The following NR3C2 variants were observed in gnomAD, a reference collection of about 807,000 sequenced individuals.
NR3C2 encodes mineralocorticoid receptor.
A neutral mutation model predicts 86.4 loss-of-function variants in NR3C2; 15 were observed. The ratio of observed to expected loss-of-function variants is 0.17; its 90% CI spans 0.12 to 0.27. The LOEUF is 0.27. Among genes scored for constraint, NR3C2 ranks in the 10% least tolerant of loss-of-function variants. The probability of loss-of-function intolerance (pLI) is 1.00; values close to 1 mark genes in which losing one functional copy is unlikely to be tolerated. For missense variants in NR3C2, 960 were observed against 1,195.6 expected (o/e 0.80, Z 2.91); for synonymous variants, 458 against 450.5 (o/e 1.02, Z -0.21).
At chr4:148,313,720 G>T (rs1743022248) in intron 2 of NR3C2, among the ~76,000 whole-genome samples, 1 of 152,066 alleles carries the variant, frequency 6.6e-6, no homozygotes, top group African/African-American at 2.4e-5. Context: ...AACTTTATTT[G>T]CTTAGAAGTT....
At chr4:148,179,250 A>G (rs946337668) in intron 4 of NR3C2, among the ~76,000 whole-genome samples, 1 of 151,698 alleles carries the variant, frequency 6.6e-6, no homozygotes, top group Non-Finnish European at 1.5e-5. Context: ...CTACTTGGAA[A>G]GAGAAAGGAC....
intron 2 of NR3C2, among the ~76,000 whole-genome samples, chr4:148,270,835 A>C (rs527543562): frequency 2.9e-4 from 44 of 152,228 alleles, no homozygotes; most frequent in African/African-American, 1.0e-3. Flanking sequence ...TACTATTCCA[A>C]AAACGGTTTC....
At chr4:148,127,413 T>C (rs1047578337) in intron 6 of NR3C2, among the ~76,000 whole-genome samples, 1 of 152,222 alleles carries the variant, frequency 6.6e-6, no homozygotes, top group Non-Finnish European at 1.5e-5. Flanking sequence ...AATAGAATAA[T>C]GTAAAAATAT....
chr4:148,099,145 G>A (rs1175877987), intron 8 of NR3C2, among the ~76,000 whole-genome samples: 1 of 152,198 alleles, frequency 6.6e-6, no homozygotes, highest in Non-Finnish European at 1.5e-5. Context: ...ATTATATTAT[G>A]CCTAGGCCAG....
intron 3 of NR3C2, among the ~76,000 whole-genome samples, chr4:148,213,237 G>A (rs1737368652): frequency 1.3e-5 from 2 of 151,948 alleles, no homozygotes. Flanking sequence ...TATGACTCAG[G>A]ATAGACTGAT....
At chr4:148,377,164 T>C (rs760057669) in intron 2 of NR3C2, among the ~76,000 whole-genome samples, 2 of 152,162 alleles carry the variant, frequency 1.3e-5, no homozygotes, top group South Asian at 2.1e-4. Context: ...GATTATTAGA[T>C]AGTGATTGTT....
At chr4:148,344,224 G>A (rs1744884355) in intron 2 of NR3C2, among the ~76,000 whole-genome samples, 1 of 152,070 alleles carries the variant, frequency 6.6e-6, no homozygotes, top group South Asian at 2.1e-4. Flanking sequence ...AATAGCTAGA[G>A]TTTTTTAAAC....
upstream of NR3C2, chr4:148,444,539 T>G: frequency 1.0e-6 from 1 of 985,292 alleles, no homozygotes; most frequent in South Asian, 4.7e-5. Flanking sequence ...TTCTAGGACA[T>G]GGTGGGGAGG....
In NR3C2 at chr4:148,269,900, T is replaced by C. The variant is rs142535446; in HGVS notation, c.1758-9783A>G. Among the ~76,000 whole-genome samples the C allele has an allele frequency of 4.5e-3, 684 of 152,328 alleles. 4 individuals are homozygous for C. The highest frequency in any genetic ancestry group is 0.023 in the South Asian group (112 of 4,826). ...ACAGTGGCTTTGCTTTTGAAAAAGA[T>C]TATATATGTACACATGTGTATGTGA... On this transcript the variant is annotated intron_variant, in intron 2 of 8. Coordinates refer to ENST00000358102, the MANE Select transcript of NR3C2 (RefSeq NM_000901.5).
chr4:148,399,683 GACACACAC>G (rs3045291), intron 2 of NR3C2, among the ~76,000 whole-genome samples: 7 of 150,538 alleles, frequency 4.6e-5, no homozygotes, highest in African/African-American at 1.2e-4. Flanking sequence ...TATATATACA[GACACACAC>G]ACACACACAC....
chr4:148,322,288 C>A (rs1743651844), intron 2 of NR3C2, among the ~76,000 whole-genome samples: 1 of 148,360 alleles, frequency 6.7e-6, no homozygotes. Flanking sequence ...GTAACCTGAC[C>A]TTTCTCTCTG....
intron 2 of NR3C2, among the ~76,000 whole-genome samples, chr4:148,410,714 A>G (rs1446586558): frequency 6.6e-6 from 1 of 152,186 alleles, no homozygotes; most frequent in East Asian, 1.9e-4. Flanking sequence ...TGAACATCTT[A>G]GACTGAGAGG....
intron 2 of NR3C2, among the ~76,000 whole-genome samples, chr4:148,308,728 G>A (rs1270681704): frequency 1.3e-5 from 2 of 152,162 alleles, no homozygotes; most frequent in East Asian, 1.9e-4. Context: ...TTAGTGGCCT[G>A]TAATCCCAGC....
intron 4 of NR3C2, among the ~76,000 whole-genome samples, chr4:148,181,181 T>C (rs1439915610): frequency 6.6e-6 from 1 of 152,246 alleles, no homozygotes; most frequent in Non-Finnish European, 1.5e-5. Flanking sequence ...AGAAATATGC[T>C]GTGGCTTGTA....
chr4:148,303,909 T>C (rs1420845231), intron 2 of NR3C2, among the ~76,000 whole-genome samples: 1 of 152,114 alleles, frequency 6.6e-6, no homozygotes, highest in Non-Finnish European at 1.5e-5. Flanking sequence ...CCTGTTAACA[T>C]GGGTTAAAGG....
At chr4:148,247,232 A>G (rs1739360800) in intron 3 of NR3C2, among the ~76,000 whole-genome samples, 1 of 152,160 alleles carries the variant, frequency 6.6e-6, no homozygotes, top group African/African-American at 2.4e-5. Context: ...AAAATGCAAT[A>G]ATTTTCTGGT....
chr4:148,156,362 A>G (rs1046173010), intron 4 of NR3C2, among the ~76,000 whole-genome samples: 4 of 152,116 alleles, frequency 2.6e-5, no homozygotes, highest in African/African-American at 9.7e-5. Flanking sequence ...CAACCTACTC[A>G]TCTGACAAAG....
At chr4:148,229,832 C>T (rs112391290) in intron 3 of NR3C2, among the ~76,000 whole-genome samples, 16 of 152,296 alleles carry the variant, frequency 1.1e-4, no homozygotes, top group African/African-American at 3.8e-4. Flanking sequence ...TTATTGTAGC[C>T]TATGTATCAC....
chr4:148,302,889 G>A (rs1742413573), intron 2 of NR3C2, among the ~76,000 whole-genome samples: 1 of 151,076 alleles, frequency 6.6e-6, no homozygotes, highest in African/African-American at 2.4e-5. Context: ...AGCAGGCCCA[G>A]GAACCACATG....
Sources: gnomAD v4.1 joint callset for allele counts (sites outside exome capture counted in the v4.1 genomes callset) on GRCh38, gnomAD v4.1.1 for gene constraint, MANE v1.5 for transcripts, NCBI Gene and HGNC (gene_info 2026-07-23, HGNC 2026-07-21) for gene names.